Variants in WDR48 observed in about 807,000 individuals in gnomAD.
WDR48 encodes WD repeat-containing protein 48.
In WDR48, 22 loss-of-function variants were observed where a neutral mutation model predicts 94.0. That is an observed-to-expected ratio of 0.23 (90% CI 0.17 to 0.33). The LOEUF (loss-of-function observed/expected upper bound fraction) is 0.33, where lower values mean the gene tolerates loss of function less well. Among genes scored for constraint, WDR48 ranks in the 10% least tolerant of loss-of-function variants. The pLI is 1.00. For missense variants in WDR48, 541 were observed against 813.8 expected (o/e 0.66, Z 4.08); for synonymous variants, 278 against 280.5 (o/e 0.99, Z 0.09).
intron 8 of WDR48, among the ~76,000 whole-genome samples, chr3:39,075,640 A>G (rs908866049): frequency 1.3e-5 from 2 of 152,114 alleles, no homozygotes; most frequent in African/African-American, 2.4e-5. Flanking sequence ...GACATGTTCA[A>G]CCTCACCGAT....
In WDR48 at chr3:39,077,230, C is replaced by T. The variant is rs2034276024; in HGVS notation, c.972+17C>T. 2 of 1,613,790 alleles carry T rather than the reference C, an allele frequency of 1.2e-6. No individual in the cohort carries two copies. The highest frequency in any genetic ancestry group is 2.2e-5 in the East Asian group (1 of 44,862). ...AATAAATGGGTAAGTGAGCTATTAA[C>T]CTGGCAAAGGTTTATAAACATGTAT... On this transcript the variant is annotated intron_variant, in intron 9 of 18. Coordinates refer to ENST00000302313, the MANE Select transcript of WDR48 (RefSeq NM_020839.4).
At chr3:39,077,339 C>T in intron 9 of WDR48, 126 bp downstream of exon 9, 1 of 830,164 alleles carries the variant, frequency 1.2e-6, no homozygotes, top group Non-Finnish European at 1.9e-6. Flanking sequence ...GGGGCAAAAA[C>T]CTGAAAGCCC....
At chr3:39,060,180 C>A (rs2125637252) in intron 1 of WDR48, among the ~76,000 whole-genome samples, 1 of 152,172 alleles carries the variant, frequency 6.6e-6, no homozygotes, top group South Asian at 2.1e-4. Context: ...TCACCTAACT[C>A]CAGAATGTTT....
intron 6 of WDR48, 63 bp from the exon 7 acceptor site, chr3:39,069,580 G>T (rs1197477350): frequency 2.2e-6 from 3 of 1,360,150 alleles, no homozygotes; most frequent in Non-Finnish European, 3.1e-6. Flanking sequence ...TATGAGAGTT[G>T]TCTGTTATTT....
At chr3:39,084,815 A>T in intron 13 of WDR48, 74 bp downstream of exon 13, 1 of 1,308,354 alleles carries the variant, frequency 7.6e-7, no homozygotes, top group Non-Finnish European at 1.1e-6. Context: ...TTTGCTAAGT[A>T]CTTATCTTTG....
intron 11 of WDR48, among the ~76,000 whole-genome samples, chr3:39,082,066 AG>A (rs35690569): frequency 6.6e-6 from 1 of 152,204 alleles, no homozygotes; most frequent in South Asian, 2.1e-4. Context: ...GGAATATGCT[AG>A]GGAACATCTC....
chr3:39,074,578 G>A (rs760698885), intron 7 of WDR48, 148 bp from the exon 8 acceptor site: 20 of 768,314 alleles, frequency 2.6e-5, no homozygotes, highest in African/African-American at 2.5e-4. Flanking sequence ...AGCCTGTGGT[G>A]CATGGTTGTC....
intron 5 of WDR48, among the ~76,000 whole-genome samples, chr3:39,067,845 T>A (rs1258420477): frequency 6.6e-6 from 1 of 152,246 alleles, no homozygotes; most frequent in Non-Finnish European, 1.5e-5. Flanking sequence ...CTCAACATTC[T>A]TTTTCCCTTG....
At chr3:39,075,138 G>T (rs1347598640) in intron 8 of WDR48, among the ~76,000 whole-genome samples, 188 bp downstream of exon 8, 1 of 150,214 alleles carries the variant, frequency 6.7e-6, no homozygotes. Context: ...CTGGAGGGAA[G>T]AGTGTCAGTA....
intron 5 of WDR48, among the ~76,000 whole-genome samples, chr3:39,067,177 C>T (rs190480717): frequency 1.8e-4 from 27 of 151,760 alleles, no homozygotes; most frequent in East Asian, 5.8e-4. Flanking sequence ...CTTACTACTT[C>T]GTATCTCCCA....
chr3:39,062,196 G>A (rs896331501), intron 1 of WDR48, among the ~76,000 whole-genome samples: 2 of 152,174 alleles, frequency 1.3e-5, no homozygotes, highest in African/African-American at 2.4e-5. Context: ...GTCCTGAATT[G>A]TATTGCCTAG....
chr3:39,086,571 T>C (rs529973757), intron 14 of WDR48, among the ~76,000 whole-genome samples: 8 of 152,220 alleles, frequency 5.3e-5, no homozygotes, highest in East Asian at 1.9e-4. Flanking sequence ...TGACACACTT[T>C]GATCCCTGTC....
Position 39,069,804 on chromosome 3 carries a change from A to G in WDR48, c.672+60A>G, listed in dbSNP as rs909326778. 4.5e-6 allele frequency: 6 copies of G among 1,343,352 alleles called. No homozygotes were observed. In the African/African-American group the frequency reaches 5.9e-5, roughly 13 times the overall value. The allele number at this position is 1,343,352 out of a possible 1,614,324, so 83.2% of individuals were successfully genotyped here. ...CTTGTTAGAAATTTCCGCACTTTGTATACTATTGCATAGGTTGATTTGAAC... is the reference window on the plus strand; with the variant it reads ...CTTGTTAGAAATTTCCGCACTTTGTGTACTATTGCATAGGTTGATTTGAAC... On this transcript the variant is annotated intron_variant, in intron 7 of 18. Coordinates refer to ENST00000302313, the MANE Select transcript of WDR48 (RefSeq NM_020839.4).
chr3:39,063,503 A>T (rs561604333), intron 2 of WDR48, among the ~76,000 whole-genome samples: 1 of 152,218 alleles, frequency 6.6e-6, no homozygotes, highest in Non-Finnish European at 1.5e-5. Context: ...TTTGCTTTAA[A>T]TATGTTCCCC....
At chr3:39,064,991 C>T (rs1417574595) in intron 2 of WDR48, among the ~76,000 whole-genome samples, 1 of 152,180 alleles carries the variant, frequency 6.6e-6, no homozygotes, top group East Asian at 1.9e-4. Flanking sequence ...TGGAAATCTG[C>T]CTGTCTTGCC....
intron 1 of WDR48, among the ~76,000 whole-genome samples, chr3:39,055,146 C>G (rs1207071770): frequency 6.6e-6 from 1 of 152,178 alleles, no homozygotes; most frequent in Non-Finnish European, 1.5e-5. Flanking sequence ...AGCTCCTTGT[C>G]AAGTTGTAGG....
chr3:39,058,160 C>A (rs1043146582), intron 1 of WDR48, among the ~76,000 whole-genome samples: 14 of 151,980 alleles, frequency 9.2e-5, no homozygotes, highest in African/African-American at 3.4e-4. Context: ...TACAGTGGTG[C>A]CATCATAGCT....
chr3:39,053,037 T>C (rs999243634), intron 1 of WDR48, among the ~76,000 whole-genome samples: 4 of 152,184 alleles, frequency 2.6e-5, no homozygotes, highest in African/African-American at 9.7e-5. Flanking sequence ...TATTAAAAAA[T>C]AGTTATTGCC....
chr3:39,066,060 C>G (rs1437805756), intron 3 of WDR48, among the ~76,000 whole-genome samples, 171 bp downstream of exon 3: 1 of 152,230 alleles, frequency 6.6e-6, no homozygotes, highest in Non-Finnish European at 1.5e-5. Flanking sequence ...TAGAAGCCCT[C>G]TTGTGCCACC....
Sources: gnomAD v4.1 joint callset for allele counts (sites outside exome capture counted in the v4.1 genomes callset) on GRCh38, gnomAD v4.1.1 for gene constraint, MANE v1.5 for transcripts, NCBI Gene and HGNC (gene_info 2026-07-23, HGNC 2026-07-21) for gene names.